Variants in DOK6 observed in about 807,000 individuals in gnomAD.
DOK6 encodes the protein docking protein 6.
A neutral mutation model predicts 44.0 loss-of-function variants in DOK6; 22 were observed. The observed-to-expected ratio is 0.50, with a 90% confidence interval of 0.36 to 0.71. DOK6 has a LOEUF of 0.71. Among genes scored for constraint, DOK6 ranks in the 30% least tolerant of loss-of-function variants. The pLI is 0.00. For synonymous variants in DOK6, 166 were observed against 145.5 expected (o/e 1.14, Z -1.01); for missense variants, 340 against 416.4 (o/e 0.82, Z 1.60).
At chr18:69,649,116 A>G (rs749125155) in intron 3 of DOK6, among the ~76,000 whole-genome samples, 51 of 152,316 alleles carry the variant, frequency 3.3e-4, no homozygotes, top group Admixed American at 5.9e-4. Flanking sequence ...GGATATGTCC[A>G]TTCCCAAGAA....
At chr18:69,642,397 G>A (rs1984965436) in intron 3 of DOK6, among the ~76,000 whole-genome samples, 1 of 152,000 alleles carries the variant, frequency 6.6e-6, no homozygotes, top group Non-Finnish European at 1.5e-5. Context: ...GCTAGGCATG[G>A]TAGTGGTACA....
intron 4 of DOK6, among the ~76,000 whole-genome samples, chr18:69,683,735 T>A (rs1986091261): frequency 6.6e-6 from 1 of 152,258 alleles, no homozygotes; most frequent in Non-Finnish European, 1.5e-5. Context: ...GATATATTAC[T>A]GTTATTTTAA....
At chr18:69,684,417 G>C (rs1484542864) in intron 4 of DOK6, among the ~76,000 whole-genome samples, 1 of 152,166 alleles carries the variant, frequency 6.6e-6, no homozygotes, top group Non-Finnish European at 1.5e-5. Context: ...AAGCACCAAA[G>C]GACCGATCCT....
chr18:69,555,129 G>A (rs182695164), intron 1 of DOK6, among the ~76,000 whole-genome samples: 32 of 151,778 alleles, frequency 2.1e-4, no homozygotes, highest in East Asian at 9.6e-4. Flanking sequence ...ATTTATTTCC[G>A]CTTATTTTAT....
intron 5 of DOK6, among the ~76,000 whole-genome samples, chr18:69,712,197 C>T (rs7240652): frequency 0.045 from 6,011 of 132,314 alleles, 189 homozygotes; most frequent in Non-Finnish European, 0.066. Flanking sequence ...AGGAGAATGG[C>T]GTGAATCCGG....
intron 7 of DOK6, among the ~76,000 whole-genome samples, chr18:69,763,171 A>G (rs1979616467): frequency 6.6e-6 from 1 of 152,198 alleles, no homozygotes; most frequent in Admixed American, 6.5e-5. Flanking sequence ...TCTAACAAGC[A>G]CATGTTGTAC....
chr18:69,626,621 A>G (rs1193165237), intron 3 of DOK6, among the ~76,000 whole-genome samples: 1 of 152,230 alleles, frequency 6.6e-6, no homozygotes, highest in Non-Finnish European at 1.5e-5. Context: ...AATGCTTCCA[A>G]GAAAATCGAG....
intron 6 of DOK6, among the ~76,000 whole-genome samples, chr18:69,753,640 G>C (rs1347093226): frequency 6.6e-6 from 1 of 152,184 alleles, no homozygotes. Flanking sequence ...AAAAGTGATG[G>C]CAAGTATATC....
chr18:69,767,053 CCT>C (rs779221903), intron 7 of DOK6, among the ~76,000 whole-genome samples: 13 of 151,992 alleles, frequency 8.6e-5, no homozygotes, highest in Non-Finnish European at 1.9e-4. Context: ...ATGGCAAAAC[CCT>C]GTCTCTACTA....
chr18:69,481,937 T>G (rs1980436042), intron 1 of DOK6, among the ~76,000 whole-genome samples: 1 of 152,150 alleles, frequency 6.6e-6, no homozygotes, highest in Non-Finnish European at 1.5e-5. Context: ...AGATGGTATC[T>G]CATTGTGGTT....
intron 7 of DOK6, among the ~76,000 whole-genome samples, chr18:69,813,846 C>A (rs1981317106): frequency 6.6e-6 from 1 of 152,100 alleles, no homozygotes; most frequent in Non-Finnish European, 1.5e-5. Flanking sequence ...ATGCAAACTC[C>A]TCCAGGTTCA....
At chr18:69,593,266 G>A (rs962007561) in intron 2 of DOK6, among the ~76,000 whole-genome samples, 1 of 152,014 alleles carries the variant, frequency 6.6e-6, no homozygotes, top group African/African-American at 2.4e-5. Context: ...CAGCTACTTG[G>A]AAGGCTGAAG....
chr18:69,783,163 G>A (rs1165147641), intron 7 of DOK6, among the ~76,000 whole-genome samples: 1 of 152,228 alleles, frequency 6.6e-6, no homozygotes, highest in East Asian at 1.9e-4. Context: ...AGCTCCTACT[G>A]TGGCTGTGGC....
At position 69,846,441 on chromosome 18, in the gene DOK6, C is replaced by T. The variant is rs1982346490; in HGVS notation, c.*5058C>T. 6.6e-6 allele frequency: 1 copy of T among 152,158 alleles called. No homozygotes were observed. Among genetic ancestry groups the T allele is most frequent in the Admixed American group, 6.5e-5 (1 of 15,274 alleles). 9.4% of individuals were successfully genotyped at this position (152,158 alleles called of 1,614,324 possible). A position where few individuals can be genotyped will look rare whatever the true frequency, so the allele number is the denominator to read the frequency against. Reference sequence around the variant, plus strand: ...CATATGGCCTCAAAATAAATAAACCCTTGTACATTTAAGTGTTTTCCCAGA... The same window carrying T: ...CATATGGCCTCAAAATAAATAAACCTTTGTACATTTAAGTGTTTTCCCAGA... On this transcript the variant is annotated 3_prime_UTR_variant, in exon 8 of 8. Transcript: ENST00000382713.
chr18:69,597,985 T>C (rs1599213384), intron 2 of DOK6, among the ~76,000 whole-genome samples: 1 of 152,186 alleles, frequency 6.6e-6, no homozygotes, highest in South Asian at 2.1e-4. Flanking sequence ...CAAGTAACTT[T>C]CAGCCACTCT....
chr18:69,648,609 G>A (rs1022846635), intron 3 of DOK6, among the ~76,000 whole-genome samples: 2 of 152,156 alleles, frequency 1.3e-5, no homozygotes, highest in Non-Finnish European at 2.9e-5. Flanking sequence ...AGGACATGGC[G>A]ATGTGAAACT....
intron 1 of DOK6, among the ~76,000 whole-genome samples, chr18:69,539,026 T>G (rs1982197114): frequency 6.6e-6 from 1 of 152,164 alleles, no homozygotes; most frequent in African/African-American, 2.4e-5. Context: ...CTTTCAAACA[T>G]AAACAGAAGT....
At chr18:69,612,397 C>CGCA (rs1984163550) in intron 3 of DOK6, among the ~76,000 whole-genome samples, 7 of 41,124 alleles carry the variant, frequency 1.7e-4, no homozygotes, top group Non-Finnish European at 2.9e-4. Context: ...CACGAAGAGA[C>CGCA]TTTGTGTGCG....
In DOK6 at chr18:69,500,158, C is replaced by T. The variant is rs562898144; in HGVS notation, c.67-64329C>T. 4.6e-5 allele frequency among the ~76,000 whole-genome samples: 7 copies of T among 152,264 alleles called. No individual in the cohort carries two copies. The East Asian group carries it at 5.8e-4, about 13-fold the overall frequency. On this transcript the variant is annotated intron_variant, in intron 1 of 7. Transcript: ENST00000382713. ...CTTCTTCATGGCCCTCCAATGGTTTCCCATAATTGCTGTCAGTCTACTATT... is the reference window on the plus strand; with the variant it reads ...CTTCTTCATGGCCCTCCAATGGTTTTCCATAATTGCTGTCAGTCTACTATT...
Sources: allele counts gnomAD v4.1 joint callset (sites outside exome capture counted in the v4.1 genomes callset), GRCh38; gene constraint gnomAD v4.1.1; transcripts MANE v1.5; gene names NCBI Gene and HGNC (gene_info 2026-07-23, HGNC 2026-07-21).